The following NBEAL1 variants were observed in gnomAD, a reference collection of about 807,000 sequenced individuals.
NBEAL1 encodes neurobeachin like 1, also known as neurobeachin-like protein 1.
In NBEAL1, 273 loss-of-function variants were observed where a neutral mutation model predicts 351.3. The ratio of observed to expected loss-of-function variants is 0.78; its 90% CI spans 0.70 to 0.86. The LOEUF (loss-of-function observed/expected upper bound fraction) is 0.86, where lower values mean the gene tolerates loss of function less well. NBEAL1 is among the 40% of genes least tolerant of loss of function. The pLI is 0.00. For synonymous variants in NBEAL1, 1,050 were observed against 1,086.4 expected (o/e 0.97, Z 0.66); for missense variants, 2,961 against 3,201.3 (o/e 0.92, Z 1.81).
intron 36 of NBEAL1, among the ~76,000 whole-genome samples, chr2:203,163,566 A>G (rs1164362235): frequency 6.6e-6 from 1 of 152,166 alleles, no homozygotes; most frequent in Non-Finnish European, 1.5e-5. Context: ...TGTTCTTCCC[A>G]ATCAATCCTT....
chr2:203,142,016 C>T (rs2063395072), intron 31 of NBEAL1, among the ~76,000 whole-genome samples: 1 of 152,222 alleles, frequency 6.6e-6, no homozygotes, highest in African/African-American at 2.4e-5. Context: ...CTGTTCCCTA[C>T]TCCCCCTGTT....
At position 203,077,827 on chromosome 2, in the gene NBEAL1, C is replaced by T; in HGVS notation, c.674C>T (p.Ala225Val). The T allele has an allele frequency of 6.9e-7, 1 of 1,449,058 alleles. No individual in the cohort carries two copies. Among genetic ancestry groups the T allele is most frequent in the Non-Finnish European group, 9.1e-7 (1 of 1,094,842 alleles). The allele number at this position is 1,449,058 out of a possible 1,614,324, so 89.8% of individuals were successfully genotyped here. ...CLLHLFGAIV[A>V]GGQRNALQAI... ...TTGCATCTCTTTGGAGCCATTGTAG[C>T]CGGTGGGCAGGTAAGGAAAGTGTTG... The change falls in exon 8 of 56, where the codon GCC (alanine) becomes GTC (valine). Residue 225 changes from alanine to valine, a missense_variant. Ala to Val is a moderately conservative substitution (Grantham distance 64, BLOSUM62 0). Coordinates refer to ENST00000683969, the MANE Select transcript of NBEAL1 (RefSeq NM_001378026.1).
chr2:203,204,244 T>TA (rs1247702496), intron 51 of NBEAL1, among the ~76,000 whole-genome samples: 132 of 136,744 alleles, frequency 9.7e-4, no homozygotes, highest in African/African-American at 1.6e-3. Context: ...CTCTTTTTTT[T>TA]AAAAAAAAAA....
chr2:203,110,363 A>T, intron 15 of NBEAL1, 81 bp downstream of exon 15: 1 of 1,447,472 alleles, frequency 6.9e-7, no homozygotes, highest in South Asian at 1.4e-5. Flanking sequence ...AACAGCAGTC[A>T]TTTTTTTGCT....
chr2:203,036,325 T>A (rs1455026799), intron 2 of NBEAL1, among the ~76,000 whole-genome samples: 1 of 149,204 alleles, frequency 6.7e-6, no homozygotes, highest in Non-Finnish European at 1.5e-5. Context: ...GTGTGTTAAA[T>A]ACTTTATGAC....
At chr2:203,117,688 A>G (rs1412686163) in intron 18 of NBEAL1, among the ~76,000 whole-genome samples, 1 of 151,706 alleles carries the variant, frequency 6.6e-6, no homozygotes, top group Non-Finnish European at 1.5e-5. Context: ...ACCACCCCAC[A>G]CCGTTTTTTT....
intron 48 of NBEAL1, among the ~76,000 whole-genome samples, chr2:203,198,978 G>A (rs542707371): frequency 9.2e-5 from 14 of 151,586 alleles, no homozygotes; most frequent in African/African-American, 2.2e-4. Context: ...ACTTAAGCCC[G>A]GGAGTTGGAG....
chr2:203,203,429 C>T (rs2065458498), intron 51 of NBEAL1, among the ~76,000 whole-genome samples: 1 of 152,152 alleles, frequency 6.6e-6, no homozygotes, highest in South Asian at 2.1e-4. Context: ...CCTGCCTTGG[C>T]CTCCCAAAGT....
chr2:203,183,209 T>G, intron 43 of NBEAL1, 70 bp from the exon 44 acceptor site: 1 of 787,224 alleles, frequency 1.3e-6, no homozygotes. Flanking sequence ...TGTGCCCTCA[T>G]TAGTGTTTGT....
intron 12 of NBEAL1, among the ~76,000 whole-genome samples, chr2:203,106,277 C>T (rs2062436322): frequency 6.6e-6 from 1 of 152,196 alleles, no homozygotes; most frequent in Non-Finnish European, 1.5e-5. Flanking sequence ...CCTCACCTTC[C>T]TGGTACCAGA....
intron 10 of NBEAL1, among the ~76,000 whole-genome samples, chr2:203,093,192 A>G (rs1004526508): frequency 7.2e-6 from 1 of 138,910 alleles, no homozygotes; most frequent in African/African-American, 2.6e-5. Flanking sequence ...AGATCACACC[A>G]CTGCACTCCA....
In NBEAL1 at chr2:203,089,863, T is replaced by C. The variant is rs1234332571; in HGVS notation, c.1098+5294T>C. ...CAGATGAATAAATTTACTAAATATC[T>C]GCTTTTGTCTCTTTTTTGAAAGTGA... On this transcript the variant is annotated intron_variant, in intron 10 of 55. Transcript: ENST00000683969. Among the ~76,000 whole-genome samples, 3 of 152,244 alleles carry C rather than the reference T, an allele frequency of 2.0e-5. No homozygotes were observed. The East Asian group carries it at 5.8e-4, about 29-fold the overall frequency.
At chr2:203,162,019 A>ATTTT (rs780529337) in intron 36 of NBEAL1, among the ~76,000 whole-genome samples, 14 of 107,224 alleles carry the variant, frequency 1.3e-4, no homozygotes, top group Non-Finnish European at 1.9e-4. Flanking sequence ...ATTTGATTTG[A>ATTTT]TTTTTTTTTT....
At chr2:203,193,998 G>A (rs550655189) in intron 47 of NBEAL1, 87 bp downstream of exon 47, 1 of 676,416 alleles carries the variant, frequency 1.5e-6, no homozygotes. Flanking sequence ...GGGAAGTAAG[G>A]ATTATAATAT....
At chr2:203,216,481 C>T (rs1398368819) in intron 55 of NBEAL1, among the ~76,000 whole-genome samples, 3 of 151,826 alleles carry the variant, frequency 2.0e-5, no homozygotes, top group Admixed American at 6.6e-5. Context: ...TGTTGGCTCA[C>T]ACCTGTAATC....
At chr2:203,205,968 G>A (rs2065542231) in intron 51 of NBEAL1, among the ~76,000 whole-genome samples, 1 of 152,162 alleles carries the variant, frequency 6.6e-6, no homozygotes, top group Admixed American at 6.6e-5. Context: ...GAGTTGTCTA[G>A]GATAATCACA....
chr2:203,069,685 TCATTC>T (rs985977866), intron 7 of NBEAL1, among the ~76,000 whole-genome samples: 9 of 152,214 alleles, frequency 5.9e-5, no homozygotes, highest in African/African-American at 1.9e-4. Flanking sequence ...AGATGCGGTC[TCATTC>T]TGTTGCTCAG....
chr2:203,134,158 A>T (rs2063144174), intron 27 of NBEAL1, among the ~76,000 whole-genome samples: 1 of 152,304 alleles, frequency 6.6e-6, no homozygotes, highest in African/African-American at 2.4e-5. Context: ...TGTGTGTGAC[A>T]GTGATTATTT....
At chr2:203,019,580 C>T (rs1048897830) in intron 2 of NBEAL1, among the ~76,000 whole-genome samples, 2 of 152,126 alleles carry the variant, frequency 1.3e-5, no homozygotes, top group African/African-American at 4.8e-5. Flanking sequence ...GGACTGCTTC[C>T]GGGCAGTAAG....
Sources: allele counts gnomAD v4.1 joint callset (sites outside exome capture counted in the v4.1 genomes callset), GRCh38; gene constraint gnomAD v4.1.1; transcripts MANE v1.5; gene names NCBI Gene and HGNC (gene_info 2026-07-23, HGNC 2026-07-21).